The following ATP10B variants were observed in gnomAD, a reference collection of about 807,000 sequenced individuals.
The protein encoded by ATP10B is ATPase phospholipid transporting 10B (putative).
In ATP10B, 122 loss-of-function variants were observed where a neutral mutation model predicts 141.2. The ratio of observed to expected loss-of-function variants is 0.86; its 90% CI spans 0.75 to 1.00. The LOEUF (loss-of-function observed/expected upper bound fraction) is 1.00. Ranked by LOEUF, ATP10B falls within the 50% of genes least tolerant of loss-of-function variation. The probability of loss-of-function intolerance (pLI) is 0.00; values close to 1 mark genes in which losing one functional copy is unlikely to be tolerated. For missense variants in ATP10B, 1,876 were observed against 1,825.3 expected (o/e 1.03, Z -0.51); for synonymous variants, 685 against 692.0 (o/e 0.99, Z 0.16).
chr5:160,744,431 T>A, intron 2 of ATP10B, among the ~76,000 whole-genome samples: 1 of 152,208 alleles, frequency 6.6e-6, no homozygotes, highest in Admixed American at 6.5e-5. Flanking sequence ...GCTCTCTGAC[T>A]GAGTTCCCAG....
rs1207562765 is a variant in ATP10B at position 160,655,737 on chromosome 5, G to A, written c.676-6481C>T. 2.6e-5 allele frequency among the ~76,000 whole-genome samples: 4 copies of A among 152,140 alleles called. No individual in the cohort carries two copies. The East Asian group carries it at 7.7e-4, about 29-fold the overall frequency. ...GTCACAGTCCTAGATCCCACATTGG[G>A]CCAGTCTAGTCTTCCGTTCATTCAT... On this transcript the variant is annotated intron_variant, in intron 7 of 25. Coordinates refer to ENST00000327245, the MANE Select transcript of ATP10B (RefSeq NM_025153.3).
chr5:160,847,398 G>A (rs1036831176), intron 1 of ATP10B, among the ~76,000 whole-genome samples: 1 of 152,150 alleles, frequency 6.6e-6, no homozygotes, highest in African/African-American at 2.4e-5. Flanking sequence ...GCTGATAACA[G>A]CTTCTGATTT....
intron 1 of ATP10B, among the ~76,000 whole-genome samples, chr5:160,832,632 C>T (rs2127978388): frequency 6.6e-6 from 1 of 152,208 alleles, no homozygotes; most frequent in South Asian, 2.1e-4. Flanking sequence ...GTAGACTGCT[C>T]TTAAGATACA....
chr5:160,825,548 T>C lies in ATP10B; in HGVS notation c.-576+26393A>G, dbSNP rs146087336. On this transcript the variant is annotated intron_variant, in intron 1 of 25. Transcript: ENST00000327245. Reference sequence around the variant, plus strand: ...TCTTTCTTTTGTAAATTGCCAGTCTTGGGTATGTCTTTATCAGCAGTGTGA... The same window carrying C: ...TCTTTCTTTTGTAAATTGCCAGTCTCGGGTATGTCTTTATCAGCAGTGTGA... Among the ~76,000 whole-genome samples the C allele has an allele frequency of 6.0e-3, 914 of 152,338 alleles. 13 individuals carry two copies. Among genetic ancestry groups the C allele is most frequent in the African/African-American group, 0.021 (871 of 41,572 alleles).
At chr5:160,915,939 C>T in the ATP10B span, among the ~76,000 whole-genome samples, 2 of 152,176 alleles carry the variant, frequency 1.3e-5, no homozygotes, top group African/African-American at 4.8e-5. Flanking sequence ...AAAAATCACA[C>T]AGCACTGAAT....
In ATP10B at chr5:160,793,203, AT is replaced by A. The variant is rs33964416; in HGVS notation, c.-575-7401del. Reference sequence around the variant, plus strand: ...TTTGAAACTTTCTCTTCAAAGTTCCATTTTTTTTTTTTTTGCCATACTCTTT... The same window carrying A: ...TTTGAAACTTTCTCTTCAAAGTTCCATTTTTTTTTTTTTGCCATACTCTTT... On this transcript the variant is annotated intron_variant, in intron 1 of 25. Coordinates refer to ENST00000327245, the MANE Select transcript of ATP10B (RefSeq NM_025153.3). Among the ~76,000 whole-genome samples the A allele has an allele frequency of 7.1e-3, 1,048 of 146,738 alleles. 5 individuals carry two copies. The highest frequency in any genetic ancestry group is 0.014 in the African/African-American group (576 of 40,026).
chr5:160,759,732 A>T (rs1478368618), intron 2 of ATP10B, among the ~76,000 whole-genome samples: 1 of 152,190 alleles, frequency 6.6e-6, no homozygotes, highest in Non-Finnish European at 1.5e-5. Flanking sequence ...CACCTTCCTC[A>T]TGCAAACTTT....
chr5:160,797,762 G>A (rs1355132234), intron 1 of ATP10B, among the ~76,000 whole-genome samples: 1 of 151,740 alleles, frequency 6.6e-6, no homozygotes, highest in Non-Finnish European at 1.5e-5. Context: ...CAGAGAGAGA[G>A]AAAGCATTAA....
chr5:160,806,057 C>CCA (rs1772748677), intron 1 of ATP10B, among the ~76,000 whole-genome samples: 2 of 152,146 alleles, frequency 1.3e-5, no homozygotes, highest in Non-Finnish European at 2.9e-5. Context: ...CTCCCTTCCT[C>CCA]CACTTTTGTG....
At chr5:160,725,457 AT>A (rs747995995) in intron 2 of ATP10B, among the ~76,000 whole-genome samples, 664 of 142,066 alleles carry the variant, frequency 4.7e-3, no homozygotes, top group Middle Eastern at 7.1e-3. Flanking sequence ...TTACGATGGG[AT>A]TTTTTTTTTT....
At chr5:160,691,871 C>CA (rs1378741536) in intron 3 of ATP10B, 1 of 152,154 alleles carries the variant, frequency 6.6e-6, no homozygotes, top group African/African-American at 2.4e-5. Context: ...TGACCAAAAG[C>CA]AACCTTATAA....
chr5:160,584,742 C>T (rs1288112600), intron 24 of ATP10B, among the ~76,000 whole-genome samples: 2 of 152,154 alleles, frequency 1.3e-5, no homozygotes, highest in East Asian at 3.8e-4. Context: ...TACATTCTTG[C>T]AGAAGTATGT....
chr5:160,704,914 CTTTTTT>C (rs1170629163), intron 3 of ATP10B, among the ~76,000 whole-genome samples: 5 of 83,624 alleles, frequency 6.0e-5, no homozygotes, highest in East Asian at 3.8e-4. Context: ...TTTCTTTCAT[CTTTTTT>C]TTTTTTTTTT....
chr5:160,767,332 C>A (rs1481638042), intron 2 of ATP10B, among the ~76,000 whole-genome samples: 2 of 152,130 alleles, frequency 1.3e-5, no homozygotes. Flanking sequence ...TGACTGAATA[C>A]TCCCAGTGTG....
At chr5:160,818,275 T>G (rs1773832225) in intron 1 of ATP10B, among the ~76,000 whole-genome samples, 1 of 152,178 alleles carries the variant, frequency 6.6e-6, no homozygotes, top group Non-Finnish European at 1.5e-5. Flanking sequence ...ATATGCAGAA[T>G]CTACAATGAA....
At chr5:160,575,453 C>T (rs1755131648) in intron 24 of ATP10B, among the ~76,000 whole-genome samples, 1 of 152,004 alleles carries the variant, frequency 6.6e-6, no homozygotes. Context: ...AAGAATAATG[C>T]TCATTTTGTA....
At chr5:160,751,737 G>A (rs1308352662) in intron 2 of ATP10B, among the ~76,000 whole-genome samples, 1 of 152,148 alleles carries the variant, frequency 6.6e-6, no homozygotes, top group Non-Finnish European at 1.5e-5. Context: ...ATTGTAAAAT[G>A]TTTGACACAA....
At chr5:160,731,634 C>T (rs920680696) in intron 2 of ATP10B, among the ~76,000 whole-genome samples, 15 of 151,974 alleles carry the variant, frequency 9.9e-5, no homozygotes, top group African/African-American at 1.7e-4. Context: ...GTTAAGAGTA[C>T]GAGTACTGGT....
chr5:160,590,624 T>C (rs1756226810), intron 23 of ATP10B, among the ~76,000 whole-genome samples: 11 of 152,246 alleles, frequency 7.2e-5, no homozygotes, highest in Admixed American at 7.2e-4. Context: ...GCTAGCTTCC[T>C]TGACCTTCAA....
Sources: allele counts gnomAD v4.1 joint callset (sites outside exome capture counted in the v4.1 genomes callset), GRCh38; gene constraint gnomAD v4.1.1; transcripts MANE v1.5; gene names NCBI Gene and HGNC (gene_info 2026-07-23, HGNC 2026-07-21).